CHAT: variants seen among roughly 807,000 people sequenced by gnomAD.
CHAT encodes the protein choline O-acetyltransferase, also known as acetyl CoA:choline O-acetyltransferase.
A neutral mutation model predicts 76.9 loss-of-function variants in CHAT; 61 were observed. The ratio of observed to expected loss-of-function variants is 0.79; its 90% CI spans 0.65 to 0.98. CHAT has a LOEUF of 0.98. CHAT is among the 50% of genes least tolerant of loss of function. The pLI is 0.00. For missense variants in CHAT, 946 were observed against 986.9 expected (o/e 0.96, Z 0.56); for synonymous variants, 407 against 397.4 (o/e 1.02, Z -0.29).
rs371470622 is a variant in CHAT, at chr10:49,649,635, C to G, written c.1510C>G (p.Arg504Gly). The change falls in exon 10 of 15, where the codon CGA becomes GGA. Residue 504 changes from arginine (R) to glycine (G), a missense_variant and splice_region_variant. Physicochemically the swap from Arg to Gly is moderately radical, Grantham distance 125. Coordinates refer to ENST00000337653, the MANE Select transcript of CHAT (RefSeq NM_020549.5). ...AGCCTCCTCGGCAGAAAAACTTCAACGGTAAGGATAACCGAAGTCTCCTTT... is the reference window on the plus strand; with the variant it reads ...AGCCTCCTCGGCAGAAAAACTTCAAGGGTAAGGATAACCGAAGTCTCCTTT... ...HLASSAEKLQ[R>G]IVKNLDFIVY... is the part of the protein sequence containing the mutation. 6.2e-7 allele frequency: 1 copy of G among 1,613,730 alleles called. No individual in the cohort carries two copies. Among genetic ancestry groups the G allele is most frequent in the Non-Finnish European group, 8.5e-7 (1 of 1,180,022 alleles).
At chr10:49,635,499 C>T (rs1367488113) in intron 7 of CHAT, among the ~76,000 whole-genome samples, 1 of 152,148 alleles carries the variant, frequency 6.6e-6, no homozygotes, top group African/African-American at 2.4e-5. Flanking sequence ...TTTTAAGAAA[C>T]TGCTAAAATG....
chr10:49,631,473 A>G (rs1839117282), intron 7 of CHAT, among the ~76,000 whole-genome samples: 1 of 152,234 alleles, frequency 6.6e-6, no homozygotes. Flanking sequence ...AAATACAGTT[A>G]CATTCTGAGC....
At chr10:49,620,136 T>C (rs1370253047) in intron 3 of CHAT, among the ~76,000 whole-genome samples, 1 of 150,412 alleles carries the variant, frequency 6.6e-6, no homozygotes, top group African/African-American at 2.5e-5. Context: ...GAAATACGGA[T>C]AGAGAAAGAG....
In CHAT at chr10:49,614,148, G is replaced by A; in HGVS notation, c.-42G>A. ...GGGAAGCGCTCCGGGTAGATTCTGG[G>A]GGCCGGGAGCTGAGATCCCTGGGCG... On this transcript the variant is annotated 5_prime_UTR_variant, in exon 1 of 15. Transcript: ENST00000337653. 6 of 1,546,232 alleles carry A rather than the reference G, an allele frequency of 3.9e-6. No individual in the cohort carries two copies. The highest frequency in any genetic ancestry group is 5.2e-6 in the Non-Finnish European group (6 of 1,146,420).
intron 7 of CHAT, among the ~76,000 whole-genome samples, chr10:49,641,744 T>A (rs1303826354): frequency 2.0e-5 from 3 of 152,184 alleles, no homozygotes; most frequent in African/African-American, 7.2e-5. Context: ...TCTCCTGGAC[T>A]GTGAGAAGGG....
At chr10:49,620,903 C>A (rs1838683675) in intron 4 of CHAT, among the ~76,000 whole-genome samples, 1 of 152,234 alleles carries the variant, frequency 6.6e-6, no homozygotes, top group Admixed American at 6.5e-5. Flanking sequence ...CTGGCTGAGG[C>A]CCTGGGAGGA....
At chr10:49,622,049 G>GGGAGGCAGAAGGGAGGGAGGGAGGGAGA in intron 4 of CHAT, 48 bp from the exon 5 acceptor site, 1 of 1,605,480 alleles carries the variant, frequency 6.2e-7, no homozygotes, top group Non-Finnish European at 8.5e-7. Context: ...AGGGAGGGAG[G>GGGAGGCAGAAGGGAGGGAGGGAGGGAGA]AAGCCAGGCC....
intron 6 of CHAT, 84 bp from the exon 7 acceptor site, chr10:49,627,524 C>T (rs1564476963): frequency 2.1e-6 from 3 of 1,425,402 alleles, no homozygotes; most frequent in Admixed American, 1.7e-5. Context: ...CATCCCTGCC[C>T]CAAGCTTACC....
intron 13 of CHAT, among the ~76,000 whole-genome samples, 189 bp downstream of exon 13, chr10:49,655,637 T>C (rs1167989016): frequency 6.6e-6 from 1 of 152,246 alleles, no homozygotes; most frequent in East Asian, 1.9e-4. Context: ...GCATTCCTGT[T>C]TTTGACATGG....
At chr10:49,654,872 G>A (rs189874029) in intron 11 of CHAT, among the ~76,000 whole-genome samples, 7 of 152,210 alleles carry the variant, frequency 4.6e-5, no homozygotes, top group Non-Finnish European at 8.8e-5. Context: ...TGTCAGTGCA[G>A]CATCCCCGGG....
rs1312580284 is a variant in CHAT, at chr10:49,625,948, T to G, written c.933+295T>G. ...CCACCTGTACATCTGTTCTTTTCCA[T>G]GCAGTCACCCAGGCTCTGGCCTTTC... is the stretch of plus-strand genomic sequence containing the variant. On this transcript the variant is annotated intron_variant, in intron 6 of 14. Transcript: ENST00000337653. 2.6e-5 allele frequency among the ~76,000 whole-genome samples: 4 copies of G among 152,216 alleles called. 1 individual carries two copies. The highest frequency in any genetic ancestry group is 5.9e-5 in the Non-Finnish European group (4 of 68,034).
chr10:49,651,341 G>A (rs538808788), intron 10 of CHAT, among the ~76,000 whole-genome samples: 15 of 152,010 alleles, frequency 9.9e-5, no homozygotes, highest in African/African-American at 3.6e-4. Context: ...CCCGACAGAA[G>A]GTGTGCGTGT....
intron 13 of CHAT, among the ~76,000 whole-genome samples, chr10:49,657,468 T>C (rs1414872325): frequency 6.6e-6 from 1 of 152,068 alleles, no homozygotes; most frequent in Non-Finnish European, 1.5e-5. Context: ...AAAAAGCAGT[T>C]AGACCCTCAG....
At chr10:49,657,409 G>A (rs954013676) in intron 13 of CHAT, among the ~76,000 whole-genome samples, 3 of 152,146 alleles carry the variant, frequency 2.0e-5, no homozygotes, top group African/African-American at 7.2e-5. Context: ...AACACATGAA[G>A]TTTGGACAGG....
chr10:49,625,726 C>A, intron 6 of CHAT, 73 bp downstream of exon 6: 1 of 1,453,012 alleles, frequency 6.9e-7, no homozygotes, highest in Non-Finnish European at 9.4e-7. Flanking sequence ...CCATTACCTT[C>A]TCCGAGGGGG....
chr10:49,655,955 C>T (rs1840021108), intron 13 of CHAT, among the ~76,000 whole-genome samples: 1 of 152,268 alleles, frequency 6.6e-6, no homozygotes, highest in African/African-American at 2.4e-5. Flanking sequence ...AAATGTTTCT[C>T]TAGCTTAGAG....
chr10:49,620,049 G>T, intron 3 of CHAT, 133 bp downstream of exon 3: 2 of 897,836 alleles, frequency 2.2e-6, no homozygotes, highest in Non-Finnish European at 3.4e-6. Flanking sequence ...ATGGGGGATA[G>T]GTGTGGGAAC....
chr10:49,624,644 C>A (rs1344954957), intron 5 of CHAT, among the ~76,000 whole-genome samples: 1 of 152,218 alleles, frequency 6.6e-6, no homozygotes, highest in African/African-American at 2.4e-5. Context: ...ATCCCCACAT[C>A]CCAGAATGGT....
At chr10:49,658,289 G>A (rs1840091931) in intron 13 of CHAT, among the ~76,000 whole-genome samples, 1 of 152,172 alleles carries the variant, frequency 6.6e-6, no homozygotes, top group East Asian at 1.9e-4. Context: ...GCTGAGGCAG[G>A]CGGATCACCT....
Sources: allele counts gnomAD v4.1 joint callset (sites outside exome capture counted in the v4.1 genomes callset), GRCh38; gene constraint gnomAD v4.1.1; transcripts MANE v1.5; gene names NCBI Gene and HGNC (gene_info 2026-07-23, HGNC 2026-07-21).